CFAP54: variants seen among roughly 807,000 people sequenced by gnomAD.
CFAP54 encodes cilia- and flagella-associated protein 54.
CFAP54 carries 290 observed loss-of-function variants against 370.4 expected under a neutral mutation model. The ratio of observed to expected loss-of-function variants is 0.78; its 90% CI spans 0.71 to 0.86. CFAP54 has a LOEUF of 0.86. Ranked by LOEUF, CFAP54 falls within the 40% of genes least tolerant of loss-of-function variation. CFAP54 has a pLI of 0.00. For missense variants in CFAP54, 3,399 were observed against 3,528.7 expected, an observed-to-expected ratio of 0.96 and a Z score of 0.93; for synonymous variants, 1,206 against 1,236.5, an observed-to-expected ratio of 0.98 and a Z score of 0.52.
intron 36 of CFAP54, among the ~76,000 whole-genome samples, chr12:96,653,032 G>A (rs979841236): frequency 2.0e-5 from 3 of 152,198 alleles, no homozygotes; most frequent in African/African-American, 7.2e-5. Context: ...TGATAAACAC[G>A]TTGATGTGTC....
chr12:96,646,113 A>G (rs1257868225), intron 33 of CFAP54: 1 of 152,136 alleles, frequency 6.6e-6, no homozygotes, highest in East Asian at 1.9e-4. Flanking sequence ...ATCTAATTAA[A>G]CTAAAGAGCT....
rs920901272 is a variant in CFAP54, at chr12:96,651,743, T to C, written c.5028T>C (p.Val1676=). ...ISQDGFLCTS[V]LPFYLGAELL... The stretch of plus-strand genomic sequence containing the variant: ...AAGATGGTTTCCTCTGCACCTCTGT[T>C]TTACCATTCTATTTGGGAGCAGAAT... Residue 1676 remains valine, a synonymous_variant, in exon 36 of 68, where the codon GTT becomes GTC. Coordinates refer to ENST00000524981, the MANE Select transcript of CFAP54 (RefSeq NM_001306084.2). The C allele has an allele frequency of 3.7e-6, 6 of 1,613,810 alleles. No individual in the cohort carries two copies. Among genetic ancestry groups the C allele is most frequent in the Non-Finnish European group, 5.1e-6 (6 of 1,179,728 alleles).
chr12:96,720,957 T>C (rs1319209542), intron 50 of CFAP54, among the ~76,000 whole-genome samples: 3 of 151,906 alleles, frequency 2.0e-5, no homozygotes, highest in Non-Finnish European at 4.4e-5. Flanking sequence ...GAGGCAGAGG[T>C]TGCAGTGAGC....
At chr12:96,536,704 C>G (rs1592838279) in intron 12 of CFAP54, among the ~76,000 whole-genome samples, 1 of 150,046 alleles carries the variant, frequency 6.7e-6, no homozygotes, top group Non-Finnish European at 1.5e-5. Flanking sequence ...TCAGCTCACT[C>G]CAACCTCTGC....
intron 64 of CFAP54, among the ~76,000 whole-genome samples, chr12:96,816,730 T>C (rs1357945653): frequency 6.6e-6 from 1 of 152,244 alleles, no homozygotes; most frequent in Non-Finnish European, 1.5e-5. Context: ...TGTAAACACA[T>C]GTATGCACAT....
intron 11 of CFAP54, among the ~76,000 whole-genome samples, chr12:96,534,599 G>A (rs536647942): frequency 6.6e-6 from 1 of 152,150 alleles, no homozygotes; most frequent in African/African-American, 2.4e-5. Context: ...GTTAGGAAGG[G>A]AAGGTTTGGT....
chr12:96,601,200 A>ATC (rs1285296711), intron 26 of CFAP54, among the ~76,000 whole-genome samples: 3 of 152,218 alleles, frequency 2.0e-5, no homozygotes, highest in Non-Finnish European at 2.9e-5. Context: ...CCTTTTCTGC[A>ATC]TCTATTGAGA....
intron 23 of CFAP54, among the ~76,000 whole-genome samples, chr12:96,592,115 TGTTA>T (rs532652134): frequency 1.2e-4 from 19 of 152,168 alleles, no homozygotes; most frequent in South Asian, 1.2e-3. Context: ...ATTCATCAAT[TGTTA>T]GTTAGCGTGA....
intron 50 of CFAP54, among the ~76,000 whole-genome samples, chr12:96,728,164 C>T (rs1338908858): frequency 6.6e-6 from 1 of 152,070 alleles, no homozygotes; most frequent in Non-Finnish European, 1.5e-5. Flanking sequence ...CTTGGAGTTG[C>T]TCTTCTCGAG....
intron 39 of CFAP54, among the ~76,000 whole-genome samples, chr12:96,667,305 T>C (rs1957091975): frequency 6.6e-6 from 1 of 152,208 alleles, no homozygotes; most frequent in African/African-American, 2.4e-5. Context: ...GTGGAGACTC[T>C]GTGTGGGGGC....
Position 96,522,084 on chromosome 12 carries a change from G to A in CFAP54, c.1057-4G>A, listed in dbSNP as rs1045382619. On this transcript the variant is annotated splice_polypyrimidine_tract_variant and splice_region_variant and intron_variant, in intron 7 of 67. Coordinates refer to ENST00000524981, the MANE Select transcript of CFAP54 (RefSeq NM_001306084.2). ...TTCATGTATAATTCTGCTTTTTGAG[G>A]CAGATGGCAGTGATGATCTTCAAAA... The A allele has an allele frequency of 2.0e-6, 3 of 1,534,026 alleles. No homozygotes were observed. The highest frequency in any genetic ancestry group is 2.7e-5 in the African/African-American group (2 of 72,850).
intron 32 of CFAP54, among the ~76,000 whole-genome samples, chr12:96,641,344 C>T (rs1269974203): frequency 1.3e-5 from 2 of 152,186 alleles, no homozygotes; most frequent in South Asian, 2.1e-4. Flanking sequence ...TCATCACTAG[C>T]CATCAGAGAA....
chr12:96,657,981 G>A lies in CFAP54; in HGVS notation c.5200G>A (p.Asp1734Asn), dbSNP rs760850219. ...TCTTACCTTTGAGCATCCTTTGGAT[G>A]ATGTAAATGTGGTTGATTTGAAATG... ...SSLTFEHPLD[D>N]VNVVDLKWIH... Residue 1734 changes from aspartate to asparagine, a missense_variant, in exon 37 of 68, where the codon GAT becomes AAT. Asp to Asn is a conservative substitution (Grantham distance 23, BLOSUM62 1). Transcript: ENST00000524981. 6.2e-7 allele frequency: 1 copy of A among 1,613,590 alleles called. No homozygotes were observed. Among genetic ancestry groups the A allele is most frequent in the Non-Finnish European group, 8.5e-7 (1 of 1,179,676 alleles).
intron 7 of CFAP54, 43 bp from the exon 8 acceptor site, chr12:96,522,045 C>T: frequency 1.3e-6 from 2 of 1,521,302 alleles, no homozygotes; most frequent in Non-Finnish European, 1.8e-6. Context: ...TTGGGAAGTG[C>T]ATCTCATTGT....
rs1402338160 is a variant in CFAP54, at chr12:96,649,996, A to C, written c.4796A>C (p.Lys1599Thr). 6.2e-7 allele frequency: 1 copy of C among 1,613,834 alleles called. No homozygotes were observed. Among genetic ancestry groups the C allele is most frequent in the Non-Finnish European group, 8.5e-7 (1 of 1,179,920 alleles). The change falls in exon 35 of 68, where the codon AAA (lysine) becomes ACA (threonine). Residue 1599 changes from lysine to threonine, a missense_variant. By Grantham distance (78) the Lys-to-Thr change is moderately conservative. This residue lies in a region of CFAP54 where 2,796 missense variants were observed against 2,869.7 expected (regional missense o/e 0.97). Coordinates refer to ENST00000524981, the MANE Select transcript of CFAP54 (RefSeq NM_001306084.2). The stretch of plus-strand genomic sequence containing the variant: ...GACTCTCAATCAGGTTCTAGTGCTA[A>C]AGAAAAGGACCGAGGAGCAAATTTG... ...DSDSQSGSSA[K>T]EKDRGANLCV... is the part of the protein sequence containing the mutation.
At position 96,762,205 on chromosome 12, in the gene CFAP54, G is replaced by A. The variant is rs552882349; in HGVS notation, c.8041-1946G>A. On this transcript the variant is annotated intron_variant, in intron 58 of 67. Coordinates refer to ENST00000524981, the MANE Select transcript of CFAP54 (RefSeq NM_001306084.2). The stretch of plus-strand genomic sequence containing the variant: ...GGATTTTTGTTTTAATTTTTAGATT[G>A]CTTATCGCTAGTATATAAAAATACA... Among the ~76,000 whole-genome samples, 210 of 152,084 alleles carry A rather than the reference G, an allele frequency of 1.4e-3. 1 individual carries two copies. Among genetic ancestry groups the A allele is most frequent in the African/African-American group, 4.7e-3 (197 of 41,488 alleles).
At chr12:96,674,872 C>A (rs1165376634) in intron 39 of CFAP54, among the ~76,000 whole-genome samples, 3 of 152,294 alleles carry the variant, frequency 2.0e-5, no homozygotes, top group East Asian at 3.9e-4. Flanking sequence ...GCTGGGAAAA[C>A]TGGCTAGCCA....
chr12:96,756,326 C>T, intron 56 of CFAP54, 132 bp from the exon 57 acceptor site: 1 of 584,118 alleles, frequency 1.7e-6, no homozygotes, highest in Non-Finnish European at 3.0e-6. Flanking sequence ...GGCTTACCTT[C>T]TGGAAGAAAT....
intron 22 of CFAP54, among the ~76,000 whole-genome samples, chr12:96,586,707 G>A (rs1336533766): frequency 6.6e-6 from 1 of 152,154 alleles, no homozygotes; most frequent in Non-Finnish European, 1.5e-5. Flanking sequence ...GTGGGTAGAT[G>A]GGGAGCAGAT....
Sources: gnomAD v4.1 joint callset for allele counts (sites outside exome capture counted in the v4.1 genomes callset) on GRCh38, gnomAD v4.1.1 for gene constraint, gnomAD v4.1.1 regional missense constraint, MANE v1.5 for transcripts, NCBI Gene and HGNC (gene_info 2026-07-23, HGNC 2026-07-21) for gene names.